TACC1: variants seen among roughly 807,000 people sequenced by gnomAD.
The protein encoded by TACC1 is transforming acidic coiled-coil containing protein 1, also known as transforming acidic coiled-coil-containing protein 1.
A neutral mutation model predicts 84.4 loss-of-function variants in TACC1; 48 were observed. The observed-to-expected ratio is 0.57, with a 90% CI of 0.45 to 0.72. The LOEUF is 0.72. TACC1 is among the 30% of genes least tolerant of loss of function. TACC1 has a pLI of 0.00. For synonymous variants in TACC1, 372 were observed against 376.3 expected (o/e 0.99, Z 0.13); for missense variants, 920 against 973.0 (o/e 0.95, Z 0.72).
chr8:38,840,199 A>G (rs750238272), intron 8 of TACC1, 25 bp from the exon 9 acceptor site: 3 of 1,582,236 alleles, frequency 1.9e-6, no homozygotes, highest in South Asian at 2.2e-5. Flanking sequence ...CTCCTCTGGT[A>G]ATAAGTTCTT....
At chr8:38,759,849 A>G (rs1810860335) in intron 3 of TACC1, among the ~76,000 whole-genome samples, 1 of 152,318 alleles carries the variant, frequency 6.6e-6, no homozygotes, top group South Asian at 2.1e-4. Flanking sequence ...CTTTTTATCC[A>G]AGTTCTGCCT....
At chr8:38,749,549 A>G (rs1808653278) in intron 3 of TACC1, among the ~76,000 whole-genome samples, 1 of 152,144 alleles carries the variant, frequency 6.6e-6, no homozygotes, top group Non-Finnish European at 1.5e-5. Flanking sequence ...AAGGTTATAC[A>G]CTATGATCAA....
chr8:38,787,174 G>C, upstream of TACC1: 1 of 985,328 alleles, frequency 1.0e-6, no homozygotes, highest in African/African-American at 1.7e-5. Context: ...CGGTCCGAGG[G>C]GGCGGCTTCT....
At chr8:38,785,354 G>A (rs1712273428), upstream of TACC1, among the ~76,000 whole-genome samples, 1 of 152,042 alleles carries the variant, frequency 6.6e-6, no homozygotes, top group African/African-American at 2.4e-5. Context: ...ATGATTCTTG[G>A]GCATATTAAA....
chr8:38,765,628 T>A (rs1812093457), intron 3 of TACC1, among the ~76,000 whole-genome samples: 1 of 152,220 alleles, frequency 6.6e-6, no homozygotes, highest in Non-Finnish European at 1.5e-5. Flanking sequence ...CTTTTCACTC[T>A]CTTTCATTCA....
chr8:38,852,438 C>G lies in TACC1; in HGVS notation c.*4415C>G, dbSNP rs1207250406. ...TAGAACTGTCAAGATGTCACTTTCT[C>G]CCCCTCTGCCTTTTAGTGGTATCTG... On this transcript the variant is annotated 3_prime_UTR_variant, in exon 13 of 13. Coordinates refer to ENST00000317827, the MANE Select transcript of TACC1 (RefSeq NM_006283.3). The G allele has an allele frequency of 6.5e-6, 1 of 152,916 alleles. No individual in the cohort carries two copies. Among genetic ancestry groups the G allele is most frequent in the East Asian group, 1.9e-4 (1 of 5,204 alleles). The allele number at this position is 152,916 out of a possible 1,614,324, so 9.5% of individuals were successfully genotyped here. A position where few individuals can be genotyped will look rare whatever the true frequency, so the allele number is the denominator to read the frequency against.
At chr8:38,788,004 G>C (rs1817694170) in intron 1 of TACC1, 2 of 487,740 alleles carry the variant, frequency 4.1e-6, no homozygotes, top group East Asian at 3.8e-5. Context: ...CGCTGGCCTC[G>C]GTCACTTTCT....
chr8:38,805,846 G>A (rs551770596), intron 2 of TACC1, among the ~76,000 whole-genome samples: 8 of 152,312 alleles, frequency 5.3e-5, no homozygotes, highest in African/African-American at 1.9e-4. Context: ...ACAGTCAATT[G>A]CTTTTATATG....
chr8:38,804,359 C>T (rs1268045313), intron 2 of TACC1, among the ~76,000 whole-genome samples: 1 of 152,046 alleles, frequency 6.6e-6, no homozygotes, highest in Non-Finnish European at 1.5e-5. Context: ...AGTTCAGTGG[C>T]GCCATCTTGG....
chr8:38,783,454 C>T (rs748952686), upstream of TACC1, among the ~76,000 whole-genome samples: 1 of 150,812 alleles, frequency 6.6e-6, no homozygotes, highest in Non-Finnish European at 1.5e-5. Flanking sequence ...TGGAGTCTCA[C>T]TCTGTTGCCC....
At position 38,825,315 on chromosome 8, in the gene TACC1, T is replaced by A. The variant is rs1366664742; in HGVS notation, c.1399T>A (p.Cys467Ser). Residue 467 changes from cysteine to serine, a missense_variant, in exon 4 of 13, where the codon TGT becomes AGT. By Grantham distance (112) the Cys-to-Ser change is moderately radical. Transcript: ENST00000317827. ...KAKSRLITSG[C>S]KVKKHETQSL... ...TGTTTCTTCTCTTTCCAGGAGTGGCTGTAAGGTGAAGAAGCATGAAACTCA... is the reference window on the plus strand; with the variant it reads ...TGTTTCTTCTCTTTCCAGGAGTGGCAGTAAGGTGAAGAAGCATGAAACTCA... 1.2e-6 allele frequency: 2 copies of A among 1,614,140 alleles called. No homozygotes were observed. Among genetic ancestry groups the A allele is most frequent in the Non-Finnish European group, 8.5e-7 (1 of 1,179,998 alleles).
chr8:38,844,149 C>A (rs1831776638), intron 11 of TACC1, among the ~76,000 whole-genome samples: 1 of 151,902 alleles, frequency 6.6e-6, no homozygotes, highest in Admixed American at 6.6e-5. Flanking sequence ...TGGCAAGCAA[C>A]AGAGCATTTA....
upstream of TACC1, among the ~76,000 whole-genome samples, chr8:38,784,942 C>T (rs1359896645): frequency 1.9e-4 from 29 of 152,172 alleles, no homozygotes; most frequent in Admixed American, 1.9e-3. Flanking sequence ...TGGTTTATGC[C>T]TATAGTCCCT....
At chr8:38,808,788 A>G (rs1367225965) in intron 2 of TACC1, among the ~76,000 whole-genome samples, 1 of 152,152 alleles carries the variant, frequency 6.6e-6, no homozygotes, top group Non-Finnish European at 1.5e-5. Context: ...GTAAATGCAA[A>G]TAGAATCTTA....
At chr8:38,845,854 C>T (rs1008175588) in intron 11 of TACC1, among the ~76,000 whole-genome samples, 1 of 152,226 alleles carries the variant, frequency 6.6e-6, no homozygotes, top group Admixed American at 6.5e-5. Flanking sequence ...TCGGCCCACA[C>T]AGGACTGTCC....
chr8:38,749,069 T>A (rs866009525), intron 3 of TACC1, among the ~76,000 whole-genome samples: 9 of 151,504 alleles, frequency 5.9e-5, no homozygotes, highest in African/African-American at 1.5e-4. Context: ...GAAAAAAAAA[T>A]GAACAATATC....
chr8:38,808,685 G>A (rs1007704181), intron 2 of TACC1, among the ~76,000 whole-genome samples: 2 of 152,230 alleles, frequency 1.3e-5, no homozygotes, highest in Non-Finnish European at 2.9e-5. Flanking sequence ...CAAAGTGTTG[G>A]GATTACAGGC....
chr8:38,781,183 C>T (rs897661410), intron 3 of TACC1, among the ~76,000 whole-genome samples: 3 of 152,048 alleles, frequency 2.0e-5, no homozygotes, highest in African/African-American at 4.8e-5. Context: ...GACAAGAAGA[C>T]GTATGGTCTC....
chr8:38,845,177 G>C (rs868581446), intron 11 of TACC1, among the ~76,000 whole-genome samples: 1 of 152,096 alleles, frequency 6.6e-6, no homozygotes, highest in South Asian at 2.1e-4. Context: ...CGCCCGCCTC[G>C]GTCTCCCAAA....
Sources: allele counts gnomAD v4.1 joint callset (sites outside exome capture counted in the v4.1 genomes callset), GRCh38; gene constraint gnomAD v4.1.1; transcripts MANE v1.5; gene names NCBI Gene and HGNC (gene_info 2026-07-23, HGNC 2026-07-21).